The following GAS7 variants were observed in gnomAD, a reference collection of about 807,000 sequenced individuals.
GAS7 encodes growth arrest specific 7, also known as growth arrest-specific protein 7.
Under a neutral mutation model 71.1 loss-of-function variants are expected in GAS7, and 28 were observed. That is an observed-to-expected ratio of 0.39 (90% confidence interval 0.29 to 0.54). The LOEUF (loss-of-function observed/expected upper bound fraction) is 0.54, where lower values mean the gene tolerates loss of function less well. GAS7 is among the 20% of genes least tolerant of loss of function. The probability of loss-of-function intolerance (pLI) is 0.62; values close to 1 mark genes in which losing one functional copy is unlikely to be tolerated. For missense variants in GAS7, 436 were observed against 627.8 expected (o/e 0.69, Z 3.27); for synonymous variants, 258 against 245.8 (o/e 1.05, Z -0.46).
At chr17:9,931,512 TG>T (rs1466047585) in intron 9 of GAS7, among the ~76,000 whole-genome samples, 1 of 152,044 alleles carries the variant, frequency 6.6e-6, no homozygotes, top group East Asian at 1.9e-4. Context: ...TCCCAGTCAA[TG>T]GAAGTTTCTA....
intron 1 of GAS7, among the ~76,000 whole-genome samples, chr17:10,071,455 G>T (rs1157804721): frequency 6.6e-6 from 1 of 152,180 alleles, no homozygotes; most frequent in Non-Finnish European, 1.5e-5. Flanking sequence ...ACAGAGAACA[G>T]CCAGACATGA....
chr17:9,992,927 C>T (rs1224801101), intron 2 of GAS7, among the ~76,000 whole-genome samples: 7 of 151,878 alleles, frequency 4.6e-5, no homozygotes, highest in Admixed American at 2.6e-4. Context: ...CTACAAAGGA[C>T]ATGAACTCAT....
intron 1 of GAS7, among the ~76,000 whole-genome samples, chr17:10,174,483 G>A (rs1291083324): frequency 3.3e-5 from 5 of 152,134 alleles, no homozygotes; most frequent in Admixed American, 1.3e-4. Context: ...ACGAGGTCAG[G>A]AGATGGAGAC....
At position 9,941,394 on chromosome 17, in the gene GAS7, C is replaced by T. The variant is rs866781309; in HGVS notation, c.732-1194G>A. On this transcript the variant is annotated intron_variant, in intron 7 of 13. Coordinates refer to ENST00000432992, the MANE Select transcript of GAS7 (RefSeq NM_201433.2). ...ATGCACCAGACACACGAGGTGCATA[C>T]GCTGTCTGCCTCCTGTGTCTCACCT... is the stretch of plus-strand genomic sequence containing the variant. Among the ~76,000 whole-genome samples, 6 of 152,330 alleles carry T rather than the reference C, an allele frequency of 3.9e-5. No individual in the cohort carries two copies. In the East Asian group the frequency reaches 5.8e-4, roughly 15 times the overall value.
intron 3 of GAS7, among the ~76,000 whole-genome samples, chr17:9,978,503 A>G (rs142218760): frequency 6.6e-6 from 1 of 151,602 alleles, no homozygotes; most frequent in East Asian, 1.9e-4. Flanking sequence ...AAATAATAAT[A>G]AGAAGAAGAA....
chr17:9,932,543 C>T (rs1380646232), intron 9 of GAS7, among the ~76,000 whole-genome samples: 2 of 152,196 alleles, frequency 1.3e-5, no homozygotes, highest in Non-Finnish European at 2.9e-5. Flanking sequence ...CAATCATGTA[C>T]ACTTTAGAGT....
intron 1 of GAS7, among the ~76,000 whole-genome samples, chr17:10,052,932 G>A (rs1311949441): frequency 6.6e-6 from 1 of 152,174 alleles, no homozygotes; most frequent in Non-Finnish European, 1.5e-5. Flanking sequence ...GGAGCTCCTT[G>A]AGAACAACAA....
chr17:9,971,127 T>C (rs767533327), intron 3 of GAS7, among the ~76,000 whole-genome samples: 8 of 152,296 alleles, frequency 5.3e-5, no homozygotes, highest in African/African-American at 1.9e-4. Flanking sequence ...CAGGGTGCGG[T>C]AGCTCACGCC....
intron 1 of GAS7, among the ~76,000 whole-genome samples, chr17:10,167,111 G>A (rs1022730042): frequency 1.6e-5 from 2 of 127,236 alleles, no homozygotes; most frequent in Admixed American, 1.9e-4. Flanking sequence ...AGGCTGGAGT[G>A]CAATGGTGTG....
At chr17:10,124,775 G>A (rs947105918) in intron 1 of GAS7, among the ~76,000 whole-genome samples, 4 of 152,032 alleles carry the variant, frequency 2.6e-5, no homozygotes, top group Non-Finnish European at 5.9e-5. Context: ...AAAATTAGCT[G>A]AGCATGGTGG....
intron 1 of GAS7, among the ~76,000 whole-genome samples, chr17:10,128,563 A>G (rs2073970094): frequency 6.6e-6 from 1 of 152,020 alleles, no homozygotes; most frequent in African/African-American, 2.4e-5. Flanking sequence ...ACTTACATTT[A>G]TGCAACAACA....
chr17:9,929,759 G>A (rs550142517), intron 9 of GAS7, among the ~76,000 whole-genome samples: 11 of 152,248 alleles, frequency 7.2e-5, no homozygotes, highest in Admixed American at 3.3e-4. Context: ...TTACAGGTGT[G>A]AGCCACTGTG....
chr17:10,023,870 T>A (rs1458549228), intron 1 of GAS7, among the ~76,000 whole-genome samples: 1 of 152,202 alleles, frequency 6.6e-6, no homozygotes, highest in Non-Finnish European at 1.5e-5. Context: ...ACACCTGTAA[T>A]CCCAGCACTT....
At chr17:10,152,070 ACT>A (rs2074170747) in intron 1 of GAS7, among the ~76,000 whole-genome samples, 49 of 152,092 alleles carry the variant, frequency 3.2e-4, no homozygotes, top group Admixed American at 3.0e-3. Context: ...GGTTCCAGGG[ACT>A]CACACAATGT....
intron 3 of GAS7, among the ~76,000 whole-genome samples, chr17:9,980,276 G>T (rs2070364033): frequency 6.6e-6 from 1 of 152,010 alleles, no homozygotes; most frequent in South Asian, 2.1e-4. Context: ...ATGTCTTCAG[G>T]TCTCAATGCT....
intron 1 of GAS7, among the ~76,000 whole-genome samples, chr17:10,080,837 C>A (rs192463846): frequency 6.0e-4 from 91 of 152,350 alleles, no homozygotes; most frequent in African/African-American, 2.1e-3. Flanking sequence ...GATAGTAAAA[C>A]TTCTTGCAAA....
chr17:9,930,489 T>C (rs941043020), intron 9 of GAS7, among the ~76,000 whole-genome samples: 2 of 152,234 alleles, frequency 1.3e-5, no homozygotes, highest in Admixed American at 6.5e-5. Flanking sequence ...CTCTACCGCA[T>C]GAGATTTTCT....
At chr17:10,072,838 C>T (rs1369231310) in intron 1 of GAS7, among the ~76,000 whole-genome samples, 1 of 151,808 alleles carries the variant, frequency 6.6e-6, no homozygotes, top group African/African-American at 2.4e-5. Flanking sequence ...GGCTTATCTG[C>T]AATTTGGGGT....
chr17:9,924,722 G>A (rs920813633), intron 11 of GAS7: 1 of 152,134 alleles, frequency 6.6e-6, no homozygotes, highest in South Asian at 2.1e-4. Flanking sequence ...ATTGTAACAG[G>A]TTCACCAGAA....
Sources: gnomAD v4.1 joint callset for allele counts (sites outside exome capture counted in the v4.1 genomes callset) on GRCh38, gnomAD v4.1.1 for gene constraint, MANE v1.5 for transcripts, NCBI Gene and HGNC (gene_info 2026-07-23, HGNC 2026-07-21) for gene names.